SGCZ: variants seen among roughly 807,000 people sequenced by gnomAD.
SGCZ encodes sarcoglycan zeta.
Under a neutral mutation model 41.3 loss-of-function variants are expected in SGCZ, and 40 were observed. That is an observed-to-expected ratio of 0.97 (90% CI 0.75 to 1.26). The LOEUF is 1.26. Ranked by LOEUF, SGCZ falls within the 50% of genes most tolerant of loss-of-function variation. The pLI is 0.00. For missense variants in SGCZ, 552 were observed against 369.8 expected (o/e 1.49, Z -4.04); for synonymous variants, 206 against 137.5 (o/e 1.50, Z -3.49).
At chr8:14,839,415 T>C (rs934589991) in intron 1 of SGCZ, among the ~76,000 whole-genome samples, 2 of 152,158 alleles carry the variant, frequency 1.3e-5, no homozygotes, top group Non-Finnish European at 2.9e-5. Flanking sequence ...TTAGACTCTG[T>C]AGTATAGATG....
At chr8:14,825,972 T>G (rs1802294100) in intron 1 of SGCZ, among the ~76,000 whole-genome samples, 1 of 152,134 alleles carries the variant, frequency 6.6e-6, no homozygotes, top group Non-Finnish European at 1.5e-5. Flanking sequence ...AGTTTTAGGG[T>G]ACATGTGCAC....
intron 1 of SGCZ, among the ~76,000 whole-genome samples, chr8:14,986,043 A>C (rs915813981): frequency 2.6e-5 from 4 of 151,744 alleles, no homozygotes; most frequent in Non-Finnish European, 5.9e-5. Flanking sequence ...TTTAAGTTTG[A>C]TATTATGCAT....
chr8:14,134,874 T>A (rs770491744), intron 5 of SGCZ, among the ~76,000 whole-genome samples: 1 of 152,214 alleles, frequency 6.6e-6, no homozygotes, highest in Non-Finnish European at 1.5e-5. Flanking sequence ...ATATGTTTTT[T>A]AAAAACATGA....
chr8:15,236,029 C>G (rs758771721), intron 1 of SGCZ, among the ~76,000 whole-genome samples: 1 of 152,196 alleles, frequency 6.6e-6, no homozygotes, highest in Non-Finnish European at 1.5e-5. Flanking sequence ...AGGCCAAGGT[C>G]TACTGACTAT....
At chr8:14,180,644 G>A (rs536961849) in intron 4 of SGCZ, among the ~76,000 whole-genome samples, 2 of 152,112 alleles carry the variant, frequency 1.3e-5, no homozygotes, top group African/African-American at 4.8e-5. Context: ...TCCCTAAAGG[G>A]ATACAAACTT....
chr8:15,014,942 C>A (rs966266299), intron 1 of SGCZ, among the ~76,000 whole-genome samples: 2 of 152,128 alleles, frequency 1.3e-5, no homozygotes, highest in Non-Finnish European at 2.9e-5. Flanking sequence ...TCATTAGGGG[C>A]CTCAAATTTC....
intron 2 of SGCZ, among the ~76,000 whole-genome samples, chr8:14,495,217 T>A (rs776692571): frequency 2.6e-5 from 4 of 152,170 alleles, no homozygotes; most frequent in Non-Finnish European, 5.9e-5. Flanking sequence ...GGGTAATGCC[T>A]ATCAGTACTC....
chr8:14,747,508 A>G (rs889209716), intron 1 of SGCZ, among the ~76,000 whole-genome samples: 1 of 152,076 alleles, frequency 6.6e-6, no homozygotes, highest in Non-Finnish European at 1.5e-5. Context: ...CTATTTTTTG[A>G]ATGCACGTAA....
intron 1 of SGCZ, among the ~76,000 whole-genome samples, chr8:15,191,865 A>C (rs76432297): frequency 0.043 from 6,595 of 152,146 alleles, 298 homozygotes; most frequent in East Asian, 0.2. Context: ...ACAACCCAGA[A>C]GAAAAATATT....
At chr8:15,038,847 A>G (rs1368591211) in intron 1 of SGCZ, among the ~76,000 whole-genome samples, 9 of 151,600 alleles carry the variant, frequency 5.9e-5, no homozygotes, top group Non-Finnish European at 1.3e-4. Flanking sequence ...AAAGAAAGAA[A>G]GAAAGAAAAC....
intron 1 of SGCZ, among the ~76,000 whole-genome samples, chr8:15,098,174 G>C (rs1253973870): frequency 6.7e-6 from 1 of 150,172 alleles, no homozygotes; most frequent in Non-Finnish European, 1.5e-5. Context: ...TGTTGTAAAA[G>C]GAAATTAAAG....
intron 1 of SGCZ, among the ~76,000 whole-genome samples, chr8:14,567,830 C>T (rs1425967374): frequency 6.6e-6 from 1 of 152,178 alleles, no homozygotes; most frequent in Non-Finnish European, 1.5e-5. Context: ...AGCTGTAACA[C>T]TCACTGCGAA....
chr8:14,808,171 G>A (rs954361486), intron 1 of SGCZ, among the ~76,000 whole-genome samples: 8 of 152,164 alleles, frequency 5.3e-5, no homozygotes, highest in African/African-American at 1.9e-4. Context: ...ATAGGCATGG[G>A]CAAGGACTTC....
chr8:14,114,124 G>A (rs1424841489), intron 5 of SGCZ, among the ~76,000 whole-genome samples: 1 of 151,982 alleles, frequency 6.6e-6, no homozygotes, highest in African/African-American at 2.4e-5. Flanking sequence ...GTCAAAGCCT[G>A]TCTCGATAAC....
chr8:15,026,414 T>C (rs1179160142), intron 1 of SGCZ, among the ~76,000 whole-genome samples: 3 of 152,180 alleles, frequency 2.0e-5, no homozygotes, highest in East Asian at 1.9e-4. Flanking sequence ...TGGTGTAGTG[T>C]TGTTTCCAAA....
intron 1 of SGCZ, among the ~76,000 whole-genome samples, chr8:15,151,032 G>C (rs1003157951): frequency 6.6e-6 from 1 of 152,142 alleles, no homozygotes; most frequent in African/African-American, 2.4e-5. Context: ...TCTATCTTAC[G>C]TTCTATCTCT....
chr8:14,846,746 A>G (rs1415819504), intron 1 of SGCZ, among the ~76,000 whole-genome samples: 1 of 150,518 alleles, frequency 6.6e-6, no homozygotes, highest in Non-Finnish European at 1.5e-5. Flanking sequence ...CCATTTGGCT[A>G]CAGTGGTCAA....
At chr8:14,769,424 G>A (rs1001851759) in intron 1 of SGCZ, among the ~76,000 whole-genome samples, 5 of 152,176 alleles carry the variant, frequency 3.3e-5, no homozygotes, top group Non-Finnish European at 7.3e-5. Context: ...AGACCAACAT[G>A]AGATGTTAAA....
intron 2 of SGCZ, among the ~76,000 whole-genome samples, chr8:14,401,087 A>C (rs2117245658): frequency 6.6e-6 from 1 of 152,272 alleles, no homozygotes; most frequent in South Asian, 2.1e-4. Context: ...GAAGGAAAGC[A>C]GTCCACACTG....
Sources: gnomAD v4.1 joint callset for allele counts (sites outside exome capture counted in the v4.1 genomes callset) on GRCh38, gnomAD v4.1.1 for gene constraint, MANE v1.5 for transcripts, NCBI Gene and HGNC (gene_info 2026-07-23, HGNC 2026-07-21) for gene names.